The following DIAPH1 variants were observed in gnomAD, a reference collection of about 807,000 sequenced individuals.
DIAPH1 encodes diaphanous related formin 1, also known as protein diaphanous homolog 1.
A neutral mutation model predicts 140.7 loss-of-function variants in DIAPH1; 46 were observed. The observed-to-expected ratio is 0.33, with a 90% CI of 0.26 to 0.42. The LOEUF (loss-of-function observed/expected upper bound fraction) is 0.42, where lower values mean the gene tolerates loss of function less well. DIAPH1 is among the 10% of genes least tolerant of loss of function. The pLI is 1.00. For synonymous variants in DIAPH1, 565 were observed against 551.6 expected (o/e 1.02, Z -0.34); for missense variants, 1,310 against 1,558.7 (o/e 0.84, Z 2.69).
chr5:141,611,387 T>C (rs1036846446), intron 1 of DIAPH1, among the ~76,000 whole-genome samples: 5 of 152,174 alleles, frequency 3.3e-5, no homozygotes, highest in African/African-American at 1.2e-4. Flanking sequence ...TTCTTCAAAA[T>C]ACACTGTTAG....
intron 1 of DIAPH1, among the ~76,000 whole-genome samples, chr5:141,595,580 T>C (rs1233507717): frequency 6.6e-6 from 1 of 152,200 alleles, no homozygotes; most frequent in African/African-American, 2.4e-5. Context: ...TTTGTAAGCA[T>C]CTGGCATTTC....
chr5:141,588,556 C>G (rs2099897895), intron 1 of DIAPH1, among the ~76,000 whole-genome samples: 1 of 151,062 alleles, frequency 6.6e-6, no homozygotes, highest in African/African-American at 2.4e-5. Context: ...ATATGCTCAA[C>G]TTCATAGTAA....
intron 13 of DIAPH1, 88 bp from the exon 14 acceptor site, chr5:141,576,382 T>C (rs1274216681): frequency 9.4e-7 from 1 of 1,059,996 alleles, no homozygotes; most frequent in Non-Finnish European, 1.5e-6. Context: ...ACAGTCTTTT[T>C]GATCATTTTT....
chr5:141,567,782 C>T (rs1353265713), intron 18 of DIAPH1, among the ~76,000 whole-genome samples: 2 of 152,166 alleles, frequency 1.3e-5, no homozygotes, highest in Non-Finnish European at 2.9e-5. Flanking sequence ...CTGCTGAAGC[C>T]TGAAGCAAGA....
At chr5:141,596,189 C>T (rs1431606679) in intron 1 of DIAPH1, among the ~76,000 whole-genome samples, 2 of 152,010 alleles carry the variant, frequency 1.3e-5, no homozygotes, top group African/African-American at 4.8e-5. Context: ...AAAAATTAGC[C>T]GGGCGTGGTG....
chr5:141,526,377 C>G lies in DIAPH1; in HGVS notation c.3358G>C (p.Glu1120Gln). The change falls in exon 25 of 28, where the codon GAG becomes CAG. Residue 1120 changes from glutamate to glutamine, a missense_variant. By Grantham distance (29) the Glu-to-Gln change is conservative. Transcript: ENST00000389054. ...NMETLYKELGEYFLFDPKKLS... is the reference protein window; with the variant it reads ...NMETLYKELGQYFLFDPKKLS... ...TTCTTGGGGTCAAAGAGGAAGTACT[C>G]GCCCAGCTCCTTATAGAGGGTCTCC... 1 of 1,614,142 alleles carries G rather than the reference C, an allele frequency of 6.2e-7. No homozygotes were observed. The highest frequency in any genetic ancestry group is 8.5e-7 in the Non-Finnish European group (1 of 1,180,020).
At chr5:141,550,911 C>G (rs1021143547) in intron 18 of DIAPH1, among the ~76,000 whole-genome samples, 5 of 152,296 alleles carry the variant, frequency 3.3e-5, no homozygotes, top group African/African-American at 1.2e-4. Flanking sequence ...AACATCCAAA[C>G]CAAATTTTAA....
intron 1 of DIAPH1, among the ~76,000 whole-genome samples, chr5:141,602,789 A>T (rs1231354336): frequency 6.6e-6 from 1 of 152,230 alleles, no homozygotes; most frequent in African/African-American, 2.4e-5. Flanking sequence ...AAAGAAAATG[A>T]AATAATGGAC....
intron 1 of DIAPH1, among the ~76,000 whole-genome samples, chr5:141,617,349 C>T (rs2099902847): frequency 6.6e-6 from 1 of 152,138 alleles, no homozygotes; most frequent in African/African-American, 2.4e-5. Flanking sequence ...TTACTGACAT[C>T]TCAGATATCA....
intron 18 of DIAPH1, among the ~76,000 whole-genome samples, chr5:141,541,681 T>A: frequency 2.4e-5 from 2 of 84,214 alleles, no homozygotes; most frequent in South Asian, 3.4e-4. Flanking sequence ...CAAGATTCTG[T>A]CTCAAAAAAA....
intron 21 of DIAPH1, 33 bp downstream of exon 21, chr5:141,529,139 G>A (rs1596339894): frequency 1.3e-6 from 2 of 1,599,634 alleles, no homozygotes; most frequent in South Asian, 1.1e-5. Flanking sequence ...TACAGGAGGT[G>A]GAAAACCGCT....
chr5:141,551,595 A>G (rs2099891690), intron 18 of DIAPH1, among the ~76,000 whole-genome samples: 1 of 152,098 alleles, frequency 6.6e-6, no homozygotes, highest in South Asian at 2.1e-4. Flanking sequence ...TGGTCAAGCA[A>G]ATGCAGGAAA....
rs73794935 is a variant in DIAPH1 at position 141,586,092 on chromosome 5, C to T, written c.300+950G>A. On this transcript the variant is annotated intron_variant, in intron 3 of 27. Transcript: ENST00000389054. ...AACAAAAATGCCAAAAGCCTCTCTT[C>T]AATTTGCCACATTCCCCACTTCTTT... 6.5e-3 allele frequency among the ~76,000 whole-genome samples: 991 copies of T among 152,304 alleles called. 11 individuals are homozygous for T. Among genetic ancestry groups the T allele is most frequent in the African/African-American group, 0.022 (929 of 41,554 alleles).
At chr5:141,599,695 T>A (rs574136557) in intron 1 of DIAPH1, among the ~76,000 whole-genome samples, 35 of 152,268 alleles carry the variant, frequency 2.3e-4, no homozygotes, top group Admixed American at 1.3e-3. Context: ...TTTTCTGACA[T>A]CCACCCTTGC....
intron 1 of DIAPH1, among the ~76,000 whole-genome samples, chr5:141,606,909 T>C (rs1003954022): frequency 1.3e-5 from 2 of 149,116 alleles, no homozygotes; most frequent in Admixed American, 1.3e-4. Flanking sequence ...GTCTCCTATA[T>C]TAGATCACAG....
intron 1 of DIAPH1, among the ~76,000 whole-genome samples, chr5:141,596,055 C>A (rs1331377330): frequency 6.6e-6 from 1 of 151,930 alleles, no homozygotes; most frequent in Non-Finnish European, 1.5e-5. Flanking sequence ...ATGGGCCAGC[C>A]GCGGTGGCTC....
At chr5:141,528,972 G>C in intron 21 of DIAPH1, 31 bp from the exon 22 acceptor site, 1 of 1,613,636 alleles carries the variant, frequency 6.2e-7, no homozygotes, top group South Asian at 1.1e-5. Context: ...TTCCATTACA[G>C]TCAAAAGAGG....
intron 18 of DIAPH1, among the ~76,000 whole-genome samples, chr5:141,551,710 T>C (rs2099891712): frequency 6.6e-6 from 1 of 152,138 alleles, no homozygotes; most frequent in South Asian, 2.1e-4. Context: ...CAATGCCTAC[T>C]CCATAAAGTG....
chr5:141,557,859 A>T (rs147801987), intron 18 of DIAPH1: 3 of 152,258 alleles, frequency 2.0e-5, no homozygotes, highest in Admixed American at 6.5e-5. Context: ...AAGAGTACGT[A>T]GCTGCGCCTC....
Sources: allele counts gnomAD v4.1 joint callset (sites outside exome capture counted in the v4.1 genomes callset), GRCh38; gene constraint gnomAD v4.1.1; transcripts MANE v1.5; gene names NCBI Gene and HGNC (gene_info 2026-07-23, HGNC 2026-07-21).